Variants in ABLIM1 observed in about 807,000 individuals in gnomAD.
ABLIM1 encodes the protein actin binding LIM protein 1, also known as actin-binding LIM protein 1.
ABLIM1 carries 40 observed loss-of-function variants against 107.0 expected under a neutral mutation model. The ratio of observed to expected loss-of-function variants is 0.37; its 90% CI spans 0.29 to 0.49. ABLIM1 has a LOEUF of 0.49. Ranked by LOEUF, ABLIM1 falls within the 20% of genes least tolerant of loss-of-function variation. The pLI, the probability that ABLIM1 is intolerant of heterozygous loss-of-function variation, is 0.97. For synonymous variants in ABLIM1, 357 were observed against 357.3 expected (o/e 1.00, Z 0.01); for missense variants, 857 against 1,008.5 (o/e 0.85, Z 2.04).
intron 19 of ABLIM1, chr10:114,440,774 T>C (rs572682234): frequency 2.3e-5 from 14 of 608,556 alleles, no homozygotes; most frequent in Middle Eastern, 5.2e-4. Context: ...AGGTATCTGA[T>C]AGAGTGCTCA....
chr10:114,476,371 G>A (rs2056405647), intron 8 of ABLIM1, among the ~76,000 whole-genome samples: 1 of 152,210 alleles, frequency 6.6e-6, no homozygotes, highest in South Asian at 2.1e-4. Context: ...GCTGGGCGCA[G>A]TGGCTCACAC....
chr10:114,584,727 T>C (rs2073997692), intron 2 of ABLIM1, among the ~76,000 whole-genome samples: 1 of 152,214 alleles, frequency 6.6e-6, no homozygotes, highest in Non-Finnish European at 1.5e-5. Context: ...TTATCATTTC[T>C]GGGAAAGATG....
At chr10:114,568,885 G>A (rs1293885896) in intron 4 of ABLIM1, among the ~76,000 whole-genome samples, 1 of 152,036 alleles carries the variant, frequency 6.6e-6, no homozygotes, top group Admixed American at 6.6e-5. Context: ...TGCATAACAT[G>A]TATGCCATAT....
At chr10:114,768,076 T>C, upstream of ABLIM1, 1 of 429,662 alleles carries the variant, frequency 2.3e-6, no homozygotes, top group South Asian at 1.6e-5. Context: ...GCGGACATGG[T>C]GCAGGCAGCG....
chr10:114,483,537 G>A (rs1048880638), intron 8 of ABLIM1, among the ~76,000 whole-genome samples: 1 of 152,008 alleles, frequency 6.6e-6, no homozygotes, highest in Admixed American at 6.5e-5. Context: ...TTGGCCTCCC[G>A]ACGTGCTGGG....
intron 6 of ABLIM1, among the ~76,000 whole-genome samples, chr10:114,515,505 G>A (rs1465942810): frequency 6.6e-6 from 1 of 152,192 alleles, no homozygotes; most frequent in Non-Finnish European, 1.5e-5. Context: ...TAAGCAGACA[G>A]AGCTGACGGG....
At chr10:114,534,274 T>C (rs531542100) in intron 6 of ABLIM1, among the ~76,000 whole-genome samples, 81 of 152,278 alleles carry the variant, frequency 5.3e-4, no homozygotes, top group African/African-American at 1.8e-3. Context: ...TCTGATGCCC[T>C]GATGTGCTGG....
At chr10:114,795,894 T>C in the ABLIM1 span, among the ~76,000 whole-genome samples, 1 of 152,168 alleles carries the variant, frequency 6.6e-6, no homozygotes, top group African/African-American at 2.4e-5. Context: ...TATTCCATAT[T>C]CCATGAGAAA....
chr10:114,509,669 C>A (rs1474145294), intron 6 of ABLIM1, among the ~76,000 whole-genome samples: 1 of 152,210 alleles, frequency 6.6e-6, no homozygotes, highest in Non-Finnish European at 1.5e-5. Context: ...ATACCCTCTG[C>A]AGTCTGGTCT....
At chr10:114,799,007 C>T in the ABLIM1 span, among the ~76,000 whole-genome samples, 2 of 152,014 alleles carry the variant, frequency 1.3e-5, no homozygotes, top group African/African-American at 4.8e-5. Flanking sequence ...ACCATATTGG[C>T]CAGGATGGTC....
chr10:114,547,885 T>C, intron 4 of ABLIM1, 109 bp from the exon 5 acceptor site: 5 of 1,401,234 alleles, frequency 3.6e-6, no homozygotes, highest in Non-Finnish European at 4.8e-6. Context: ...AATCAATATT[T>C]ACTCAAGCAC....
At position 114,601,953 on chromosome 10, in the gene ABLIM1, G is replaced by C. The variant is rs1441751878; in HGVS notation, c.253C>G (p.Pro85Ala). 1.2e-5 allele frequency: 19 copies of C among 1,613,784 alleles called. No homozygotes were observed. The East Asian group carries it at 4.2e-4, about 36-fold the overall frequency. ...TCTGATGGGTGGTGAGGGTCCTGAG[G>C]GTGGGCCACTGAAAGAAAATCAACA... Reference protein sequence around the residue: ...CNSVDPFVAHPQDPHHPSEKP... With the variant: ...CNSVDPFVAHAQDPHHPSEKP... Residue 85 changes from proline to alanine, a missense_variant, in exon 2 of 23, where the codon CCT (proline) becomes GCT (alanine). Transcript: ENST00000533213.
intron 10 of ABLIM1, among the ~76,000 whole-genome samples, chr10:114,470,233 G>A (rs2066205951): frequency 2.0e-5 from 3 of 152,052 alleles, no homozygotes; most frequent in Non-Finnish European, 4.4e-5. Flanking sequence ...GACCAGCCTG[G>A]CCAACATGGA....
chr10:114,783,313 A>C, the ABLIM1 span, among the ~76,000 whole-genome samples: 1 of 151,970 alleles, frequency 6.6e-6, no homozygotes, highest in South Asian at 2.1e-4. Context: ...AAAACTAAAA[A>C]AAATAAAAGA....
At chr10:114,447,808 A>C in intron 15 of ABLIM1, 72 bp downstream of exon 15, 1 of 1,578,384 alleles carries the variant, frequency 6.3e-7, no homozygotes, top group Non-Finnish European at 8.6e-7. Flanking sequence ...ATTTTCTTTC[A>C]TGTTTTTAAG....
At chr10:114,607,143 A>T (rs955950469) in intron 1 of ABLIM1, among the ~76,000 whole-genome samples, 1 of 152,144 alleles carries the variant, frequency 6.6e-6, no homozygotes, top group Admixed American at 6.5e-5. Flanking sequence ...GCTCACTGCA[A>T]TCTCTGCCTC....
intron 2 of ABLIM1, among the ~76,000 whole-genome samples, chr10:114,580,516 C>A (rs2073236547): frequency 6.6e-6 from 1 of 152,106 alleles, no homozygotes. Context: ...CCCAGCCAAC[C>A]CAACTTTATT....
At chr10:114,601,741 G>T (rs113945033) in intron 2 of ABLIM1, 86 bp downstream of exon 2, 12 of 1,588,472 alleles carry the variant, frequency 7.6e-6, no homozygotes, top group African/African-American at 1.3e-5. Context: ...TCCAGTGACC[G>T]GATGTGGAGT....
chr10:114,551,673 A>C (rs758664709), intron 4 of ABLIM1, among the ~76,000 whole-genome samples: 1 of 152,256 alleles, frequency 6.6e-6, no homozygotes, highest in Non-Finnish European at 1.5e-5. Flanking sequence ...CTAAGAAGTC[A>C]ACTTCAGATT....
Sources: allele counts gnomAD v4.1 joint callset (sites outside exome capture counted in the v4.1 genomes callset), GRCh38; gene constraint gnomAD v4.1.1; transcripts MANE v1.5; gene names NCBI Gene and HGNC (gene_info 2026-07-23, HGNC 2026-07-21).